DDX42: variants seen among roughly 807,000 people sequenced by gnomAD.
The protein encoded by DDX42 is DEAD-box helicase 42.
DDX42 carries 22 observed loss-of-function variants against 101.5 expected under a neutral mutation model. The observed-to-expected ratio is 0.22, with a 90% CI of 0.15 to 0.31. The LOEUF (loss-of-function observed/expected upper bound fraction) is 0.31. Among genes scored for constraint, DDX42 ranks in the 10% least tolerant of loss-of-function variants. The pLI is 1.00. For missense variants in DDX42, 849 were observed against 1,199.9 expected, an observed-to-expected ratio of 0.71 and a Z score of 4.32; for synonymous variants, 402 against 401.2, an observed-to-expected ratio of 1.00 and a Z score of -0.02.
Position 63,810,567 on chromosome 17 carries a change from A to T in DDX42, c.1300+7A>T. On this transcript the variant is annotated splice_region_variant and intron_variant, in intron 12 of 17. Coordinates refer to ENST00000389924, the MANE Select transcript of DDX42 (RefSeq NM_203499.3). ...GTTCGTCCTGACAGGCAGAGTATGT[A>T]TGAAGCACCTTTGTTAAACCAAATT... 1.2e-6 allele frequency: 2 copies of T among 1,614,086 alleles called. No homozygotes were observed. The highest frequency in any genetic ancestry group is 1.7e-6 in the Non-Finnish European group (2 of 1,179,988).
At chr17:63,778,149 C>G (rs2039443128) in intron 1 of DDX42, among the ~76,000 whole-genome samples, 1 of 152,198 alleles carries the variant, frequency 6.6e-6, no homozygotes. Flanking sequence ...GGTATTAACA[C>G]ACACTATGCT....
At chr17:63,816,798 G>T in intron 16 of DDX42, 70 bp from the exon 17 acceptor site, 1 of 1,200,844 alleles carries the variant, frequency 8.3e-7, no homozygotes, top group South Asian at 1.5e-5. Context: ...TTTTCATAAT[G>T]AGGCCTAGTC....
At chr17:63,792,299 C>G in intron 2 of DDX42, 113 bp from the exon 3 acceptor site, 1 of 1,160,558 alleles carries the variant, frequency 8.6e-7, no homozygotes, top group Non-Finnish European at 1.2e-6. Context: ...CTAATTTGAT[C>G]TGCATTACAT....
chr17:63,806,986 T>G (rs1055185446), intron 8 of DDX42, among the ~76,000 whole-genome samples: 2 of 152,188 alleles, frequency 1.3e-5, no homozygotes, highest in South Asian at 2.1e-4. Context: ...AGTTTTAGCT[T>G]CTTTTTCCCA....
chr17:63,811,272 G>A lies in DDX42; in HGVS notation c.1398+99G>A, dbSNP rs2039906990. 4 of 945,544 alleles carry A rather than the reference G, an allele frequency of 4.2e-6. No homozygotes were observed. The African/African-American group carries it at 5.1e-5, about 12-fold the overall frequency. 58.6% of individuals were successfully genotyped at this position (945,544 alleles called of 1,614,324 possible). On this transcript the variant is annotated intron_variant, in intron 13 of 17. Coordinates refer to ENST00000389924, the MANE Select transcript of DDX42 (RefSeq NM_203499.3). ...CACTATTGAGATAAAAAAAAAAGAT[G>A]TTATGTTTATAGATGCAACATGCTT... is the stretch of plus-strand genomic sequence containing the variant.
intron 14 of DDX42, 61 bp from the exon 15 acceptor site, chr17:63,813,167 G>A: frequency 1.4e-6 from 2 of 1,467,976 alleles, no homozygotes; most frequent in South Asian, 1.3e-5. Context: ...AGCATTTCTG[G>A]TTACTTTGAT....
At chr17:63,775,766 C>T (rs57379508) in intron 1 of DDX42, among the ~76,000 whole-genome samples, 2,559 of 152,190 alleles carry the variant, frequency 0.017, 69 homozygotes, top group African/African-American at 0.058. Context: ...CAACCAAAGC[C>T]TTTTAGGCTG....
chr17:63,812,996 G>A (rs114315462), intron 14 of DDX42, among the ~76,000 whole-genome samples: 85 of 152,264 alleles, frequency 5.6e-4, no homozygotes, highest in African/African-American at 1.9e-3. Flanking sequence ...CTGCACTCCC[G>A]TCTGGCAACA....
chr17:63,793,555 A>G (rs1775756969), intron 3 of DDX42, among the ~76,000 whole-genome samples: 1 of 152,214 alleles, frequency 6.6e-6, no homozygotes, highest in African/African-American at 2.4e-5. Flanking sequence ...GGCATAAGCC[A>G]CTGTGCCCAA....
intron 1 of DDX42, among the ~76,000 whole-genome samples, chr17:63,777,117 C>T (rs1462014293): frequency 1.3e-5 from 2 of 152,100 alleles, no homozygotes; most frequent in Non-Finnish European, 2.9e-5. Flanking sequence ...TTGTGTTGCC[C>T]AGGCTGGTCT....
rs1174133422 is a variant in DDX42 at position 63,818,219 on chromosome 17, G to A, written c.2638G>A (p.Gly880Ser). Residue 880 changes from glycine (G) to serine (S), a missense_variant, in exon 18 of 18, where the codon GGT becomes AGT. Transcript: ENST00000389924. The stretch of plus-strand genomic sequence containing the variant: ...TGGGGAGAACCGGGGTGCAAATGAT[G>A]GTCGGAATGGGGAAAGCAGGAAAGA... ...RHGENRGAND[G>S]RNGESRKEAF... The A allele has an allele frequency of 1.2e-6, 2 of 1,613,956 alleles. No individual in the cohort carries two copies. The highest frequency in any genetic ancestry group is 1.7e-5 in the Admixed American group (1 of 59,988).
chr17:63,786,731 G>A (rs1182659419), intron 1 of DDX42, among the ~76,000 whole-genome samples: 2 of 152,256 alleles, frequency 1.3e-5, no homozygotes, highest in African/African-American at 2.4e-5. Context: ...AGGCTGGAGT[G>A]CAGTGGCACG....
intron 2 of DDX42, among the ~76,000 whole-genome samples, chr17:63,789,618 G>A (rs1359189748): frequency 7.0e-6 from 1 of 141,868 alleles, no homozygotes; most frequent in African/African-American, 2.7e-5. Flanking sequence ...TTGTTGCCCA[G>A]GCTGGAGTGC....
At chr17:63,790,497 A>C (rs1219871037) in intron 2 of DDX42, among the ~76,000 whole-genome samples, 1 of 152,194 alleles carries the variant, frequency 6.6e-6, no homozygotes, top group East Asian at 1.9e-4. Context: ...ATGGTGGCTC[A>C]AACCTGTAAT....
intron 16 of DDX42, chr17:63,816,652 A>G: frequency 2.4e-6 from 1 of 410,514 alleles, no homozygotes; most frequent in Non-Finnish European, 4.3e-6. Flanking sequence ...TCTGTTTAAT[A>G]GGGTTAATTT....
intron 2 of DDX42, among the ~76,000 whole-genome samples, chr17:63,789,325 C>T (rs1311556821): frequency 1.3e-5 from 2 of 151,814 alleles, no homozygotes; most frequent in East Asian, 1.9e-4. Flanking sequence ...GTGATCCACC[C>T]GCCTCAGCCT....
intron 2 of DDX42, among the ~76,000 whole-genome samples, chr17:63,787,838 T>A (rs753204522): frequency 6.6e-6 from 1 of 150,882 alleles, no homozygotes; most frequent in African/African-American, 2.4e-5. Context: ...AAGACTCCCA[T>A]CTCAGAAAAA....
chr17:63,813,595 TTG>T (rs2039939070), intron 15 of DDX42, 141 bp downstream of exon 15: 1 of 649,208 alleles, frequency 1.5e-6, no homozygotes, highest in African/African-American at 1.8e-5. Context: ...CAGATAGGAA[TTG>T]TGAGATACTA....
chr17:63,774,753 A>G (rs1288053737), intron 1 of DDX42: 1 of 152,234 alleles, frequency 6.6e-6, no homozygotes, highest in African/African-American at 2.4e-5. Context: ...AGGCCTCCGA[A>G]TTTGGGGTCC....
Sources: allele counts gnomAD v4.1 joint callset (sites outside exome capture counted in the v4.1 genomes callset), GRCh38; gene constraint gnomAD v4.1.1; transcripts MANE v1.5; gene names NCBI Gene and HGNC (gene_info 2026-07-23, HGNC 2026-07-21).